The following RELN variants were observed in gnomAD, a reference collection of about 807,000 sequenced individuals.
RELN encodes the protein reelin.
RELN carries 108 observed loss-of-function variants against 427.6 expected under a neutral mutation model. The ratio of observed to expected loss-of-function variants is 0.25; its 90% CI spans 0.22 to 0.30. RELN has a LOEUF of 0.30. RELN is among the 10% of genes least tolerant of loss of function. The pLI is 1.00. For missense variants in RELN, 3,715 were observed against 4,302.8 expected (o/e 0.86, Z 3.82); for synonymous variants, 1,524 against 1,513.4 (o/e 1.01, Z -0.16).
intron 38 of RELN, among the ~76,000 whole-genome samples, chr7:103,555,277 GATTTC>G (rs1228810986): frequency 1.3e-5 from 2 of 152,162 alleles, no homozygotes; most frequent in Admixed American, 6.5e-5. Flanking sequence ...CTTCTTCACT[GATTTC>G]TACTTCAGTG....
chr7:103,572,343 A>T, intron 30 of RELN, 83 bp from the exon 31 acceptor site: 1 of 775,636 alleles, frequency 1.3e-6, no homozygotes, highest in Non-Finnish European at 2.3e-6. Flanking sequence ...ATTAGAAAAA[A>T]ACCCTCCTGT....
intron 11 of RELN, among the ~76,000 whole-genome samples, chr7:103,671,957 C>G (rs1434315114): frequency 1.3e-5 from 2 of 152,114 alleles, no homozygotes; most frequent in African/African-American, 4.8e-5. Context: ...GAATTGCAAG[C>G]TTACATAAAA....
chr7:103,923,352 C>T (rs1220309508), intron 1 of RELN, among the ~76,000 whole-genome samples: 3 of 152,110 alleles, frequency 2.0e-5, no homozygotes, highest in African/African-American at 4.8e-5. Context: ...ACATGACCCT[C>T]GCACTACTTC....
rs1283301966 is a variant in RELN at position 103,824,206 on chromosome 7, T to C, written c.473+9331A>G. On this transcript the variant is annotated intron_variant, in intron 3 of 64. Coordinates refer to ENST00000428762, the MANE Select transcript of RELN (RefSeq NM_005045.4). The surrounding 1 kb of genome is among the most constrained non-coding windows in gnomAD (Gnocchi z 4.4). Reference sequence around the variant, plus strand: ...TTCTGCCATTATCTCTTCAAATTTGTCTTATTATTTTTATTCTCTCCTTCT... The same window carrying C: ...TTCTGCCATTATCTCTTCAAATTTGCCTTATTATTTTTATTCTCTCCTTCT... Among the ~76,000 whole-genome samples the C allele has an allele frequency of 6.7e-6, 1 of 148,550 alleles. No individual in the cohort carries two copies. The highest frequency in any genetic ancestry group is 1.5e-5 in the Non-Finnish European group (1 of 67,986).
chr7:103,891,710 C>T (rs1794853407), intron 2 of RELN, among the ~76,000 whole-genome samples: 1 of 152,140 alleles, frequency 6.6e-6, no homozygotes, highest in Non-Finnish European at 1.5e-5. Flanking sequence ...TTCTTACCAC[C>T]TTATCTCATG....
chr7:103,739,120 T>C lies in RELN; in HGVS notation c.656+10306A>G, dbSNP rs111583086. 2.6e-3 allele frequency among the ~76,000 whole-genome samples: 400 copies of C among 152,332 alleles called. 1 individual carries two copies. The highest frequency in any genetic ancestry group is 9.3e-3 in the African/African-American group (387 of 41,574). ...TCACTGTGGTGTATCCATCCTCCTGTTGATGAACACCTGGGATGATTCTAG... is the reference window on the plus strand; with the variant it reads ...TCACTGTGGTGTATCCATCCTCCTGCTGATGAACACCTGGGATGATTCTAG... On this transcript the variant is annotated intron_variant, in intron 6 of 64. Coordinates refer to ENST00000428762, the MANE Select transcript of RELN (RefSeq NM_005045.4).
chr7:103,589,927 T>C, intron 27 of RELN, 99 bp from the exon 28 acceptor site: 1 of 745,164 alleles, frequency 1.3e-6, no homozygotes, highest in East Asian at 2.6e-5. Flanking sequence ...CCAATGGGTC[T>C]GCACTGAATT....
intron 49 of RELN, among the ~76,000 whole-genome samples, chr7:103,518,127 C>T (rs116959499): frequency 0.013 from 2,009 of 152,002 alleles, 18 homozygotes; most frequent in Non-Finnish European, 0.022. Flanking sequence ...CTACAGTAGT[C>T]CTGGAGTACT....
chr7:103,658,774 T>C (rs188115315), intron 12 of RELN, among the ~76,000 whole-genome samples: 10 of 152,130 alleles, frequency 6.6e-5, no homozygotes, highest in Non-Finnish European at 2.9e-5. Context: ...CCAAAGTCAC[T>C]GGTGGCCTCT....
intron 3 of RELN, among the ~76,000 whole-genome samples, chr7:103,781,793 T>C (rs1452411431): frequency 6.6e-6 from 1 of 152,092 alleles, no homozygotes; most frequent in Non-Finnish European, 1.5e-5. Context: ...TACAGAGTTA[T>C]GGTACATGGT....
intron 46 of RELN, among the ~76,000 whole-genome samples, chr7:103,531,363 G>A (rs1334975949): frequency 6.6e-6 from 1 of 152,158 alleles, no homozygotes; most frequent in East Asian, 1.9e-4. Flanking sequence ...AATGTGTATG[G>A]CAAGGAATAG....
chr7:103,553,204 T>C lies in RELN; in HGVS notation c.6072+257A>G, dbSNP rs2711879. On this transcript the variant is annotated intron_variant, in intron 40 of 64. Coordinates refer to ENST00000428762, the MANE Select transcript of RELN (RefSeq NM_005045.4). ...AGTATGAGCCTTTTCATTTTTATAA[T>C]GTTTAAAATAATTTATTTCAACTTC... Among the ~76,000 whole-genome samples, 81,591 of 151,958 alleles carry C rather than the reference T, an allele frequency of 0.54. 22,216 individuals carry two copies. The highest frequency in any genetic ancestry group is 0.6 in the East Asian group (3,104 of 5,164).
intron 1 of RELN, among the ~76,000 whole-genome samples, chr7:103,947,828 T>A (rs1669055223): frequency 6.6e-6 from 1 of 152,216 alleles, no homozygotes; most frequent in Admixed American, 6.5e-5. Context: ...ATATTACCCC[T>A]TACAATGTCA....
chr7:103,960,593 A>G (rs1796530322), intron 1 of RELN, among the ~76,000 whole-genome samples: 1 of 152,252 alleles, frequency 6.6e-6, no homozygotes, highest in Admixed American at 6.5e-5. Flanking sequence ...TGAGTAAATC[A>G]ATGAATGGAT....
At chr7:103,962,427 T>C (rs1584403980) in intron 1 of RELN, among the ~76,000 whole-genome samples, 1 of 152,060 alleles carries the variant, frequency 6.6e-6, no homozygotes, top group Non-Finnish European at 1.5e-5. Flanking sequence ...TGCTCTTTGA[T>C]TGCCTTTCTA....
intron 61 of RELN, chr7:103,484,215 A>G (rs1281477751): frequency 3.7e-6 from 1 of 269,130 alleles, no homozygotes; most frequent in East Asian, 9.1e-5. Context: ...AGGAAGTATT[A>G]AAGGAATTAT....
chr7:103,872,422 C>A (rs1794369338), intron 2 of RELN, among the ~76,000 whole-genome samples: 1 of 137,862 alleles, frequency 7.3e-6, no homozygotes, highest in Admixed American at 7.4e-5. Flanking sequence ...CATAGTATTC[C>A]ATGGTGTATA....
At chr7:103,794,957 A>T (rs1437725535) in intron 3 of RELN, among the ~76,000 whole-genome samples, 1 of 152,226 alleles carries the variant, frequency 6.6e-6, no homozygotes, top group East Asian at 1.9e-4. Context: ...CGTGCTTACC[A>T]TACTGAATAC....
intron 2 of RELN, among the ~76,000 whole-genome samples, chr7:103,884,603 C>A (rs980209254): frequency 6.6e-6 from 1 of 152,058 alleles, no homozygotes; most frequent in African/African-American, 2.4e-5. Flanking sequence ...ACAAACCACC[C>A]CATCAAAAAG....
Sources: gnomAD v4.1 joint callset for allele counts (sites outside exome capture counted in the v4.1 genomes callset) on GRCh38, gnomAD v4.1.1 for gene constraint, Gnocchi (gnomAD v3.1) non-coding constraint, MANE v1.5 for transcripts, NCBI Gene and HGNC (gene_info 2026-07-23, HGNC 2026-07-21) for gene names.